Variants in OCA2 observed in about 807,000 individuals in gnomAD.
OCA2 encodes the protein OCA2 melanosomal transmembrane protein, also known as P protein.
In OCA2, 77 loss-of-function variants were observed where a neutral mutation model predicts 100.2. That is an observed-to-expected ratio of 0.77 (90% CI 0.64 to 0.93). The LOEUF is 0.93. OCA2 is among the 40% of genes least tolerant of loss of function. OCA2 has a pLI of 0.00. For synonymous variants in OCA2, 432 were observed against 439.2 expected, an observed-to-expected ratio of 0.98 and a Z score of 0.21; for missense variants, 1,062 against 1,089.1, an observed-to-expected ratio of 0.98 and a Z score of 0.35.
intron 23 of OCA2, among the ~76,000 whole-genome samples, chr15:27,840,901 C>T (rs1383305646): frequency 6.6e-6 from 1 of 152,116 alleles, no homozygotes; most frequent in East Asian, 1.9e-4. Flanking sequence ...GCTTTTGACA[C>T]CAAAAACACA....
chr15:27,854,873 C>A (rs2035896173), intron 21 of OCA2, among the ~76,000 whole-genome samples: 1 of 152,130 alleles, frequency 6.6e-6, no homozygotes. Context: ...AACAACTAAG[C>A]ACAGGACCCT....
chr15:28,048,178 A>C (rs1193472522), intron 2 of OCA2, among the ~76,000 whole-genome samples: 1 of 152,232 alleles, frequency 6.6e-6, no homozygotes, highest in Non-Finnish European at 1.5e-5. Context: ...TAATGTCATT[A>C]ATATTTTAAT....
chr15:27,966,669 T>A, intron 15 of OCA2, 21 bp downstream of exon 15: 1 of 1,613,150 alleles, frequency 6.2e-7, no homozygotes. Context: ...TGAGCCTACA[T>A]GAGGTTGCAC....
At chr15:28,028,943 C>T (rs1471224443) in intron 3 of OCA2, among the ~76,000 whole-genome samples, 2 of 152,182 alleles carry the variant, frequency 1.3e-5, no homozygotes, top group Admixed American at 6.5e-5. Context: ...ACCTTGGCCT[C>T]CCAAAGTGCT....
intron 23 of OCA2, among the ~76,000 whole-genome samples, chr15:27,800,567 G>A (rs2033553275): frequency 6.6e-6 from 1 of 152,174 alleles, no homozygotes; most frequent in African/African-American, 2.4e-5. Flanking sequence ...ACTATTTCAT[G>A]TGAACAAATG....
chr15:27,995,455 C>T (rs1900757), intron 9 of OCA2, among the ~76,000 whole-genome samples: 91,491 of 151,890 alleles, frequency 0.6, 31,737 homozygotes, highest in Non-Finnish European at 0.79. Context: ...TGCAGTGGTG[C>T]AATCAAAGCT....
intron 19 of OCA2, among the ~76,000 whole-genome samples, chr15:27,891,884 T>C (rs1484305426): frequency 6.6e-6 from 1 of 152,118 alleles, no homozygotes; most frequent in South Asian, 2.1e-4. Context: ...TGGAAAAAGA[T>C]ATGTTACACA....
intron 18 of OCA2, among the ~76,000 whole-genome samples, chr15:27,933,471 C>T (rs561774469): frequency 1.4e-4 from 22 of 152,214 alleles, no homozygotes; most frequent in African/African-American, 1.9e-4. Context: ...GATTGTCACG[C>T]GTGTCCGTAT....
At chr15:27,989,766 C>A in intron 10 of OCA2, 100 bp from the exon 11 acceptor site, 1 of 1,071,352 alleles carries the variant, frequency 9.3e-7, no homozygotes, top group Non-Finnish European at 1.4e-6. Context: ...ACTCAGTGGG[C>A]GGGCCAGGGT....
At chr15:27,942,204 T>G (rs1440986805) in intron 18 of OCA2, among the ~76,000 whole-genome samples, 1 of 148,238 alleles carries the variant, frequency 6.7e-6, no homozygotes, top group African/African-American at 2.5e-5. Flanking sequence ...TATTATATAT[T>G]ACTATATATA....
intron 23 of OCA2, among the ~76,000 whole-genome samples, chr15:27,772,146 C>T (rs999535966): frequency 6.6e-6 from 1 of 152,224 alleles, no homozygotes; most frequent in African/African-American, 2.4e-5. Context: ...GTTTGCTGTG[C>T]GTCCTGAACA....
At chr15:27,730,562 G>C in the OCA2 span, among the ~76,000 whole-genome samples, 4 of 150,470 alleles carry the variant, frequency 2.7e-5, no homozygotes, top group Admixed American at 1.3e-4. Flanking sequence ...TGGACTAAAA[G>C]CTCCAACCCT....
chr15:28,048,599 T>C (rs2043412915), intron 2 of OCA2, among the ~76,000 whole-genome samples: 1 of 151,914 alleles, frequency 6.6e-6, no homozygotes, highest in South Asian at 2.1e-4. Context: ...AAAACAAACA[T>C]GACCTTGGAT....
chr15:28,010,497 A>C (rs1302482187), intron 9 of OCA2, among the ~76,000 whole-genome samples: 1 of 152,226 alleles, frequency 6.6e-6, no homozygotes, highest in African/African-American at 2.4e-5. Context: ...GAGAAGTAAT[A>C]GGTAAATTCA....
At chr15:27,802,900 G>A (rs2033672569) in intron 23 of OCA2, among the ~76,000 whole-genome samples, 1 of 152,118 alleles carries the variant, frequency 6.6e-6, no homozygotes, top group African/African-American at 2.4e-5. Context: ...TGAAAAACAA[G>A]TGGATTAAAT....
chr15:28,036,162 A>G (rs2043038913), intron 2 of OCA2, among the ~76,000 whole-genome samples: 1 of 152,222 alleles, frequency 6.6e-6, no homozygotes. Flanking sequence ...ATGGATCATC[A>G]AATTATGCCT....
intron 1 of OCA2, 120 bp from the exon 2 acceptor site, chr15:28,082,015 T>A: frequency 1.2e-6 from 1 of 811,022 alleles, no homozygotes; most frequent in Non-Finnish European, 2.0e-6. Flanking sequence ...AGTTCCAGCA[T>A]CCTAACCACG....
intron 9 of OCA2, among the ~76,000 whole-genome samples, chr15:27,992,365 G>A (rs995861933): frequency 3.3e-5 from 5 of 152,216 alleles, no homozygotes; most frequent in Non-Finnish European, 7.3e-5. Flanking sequence ...CTCCCAAACT[G>A]CTGGGATTAT....
In OCA2 at chr15:27,937,566, G is replaced by C. The variant is rs889702705; in HGVS notation, c.1952-11312C>G. On this transcript the variant is annotated intron_variant, in intron 18 of 23. Transcript: ENST00000354638. ...CTGCTCCACAATCTTTCAGCACTCA[G>C]TACTGTCAGTCTTTTTTTCTAACCA... 2.0e-5 allele frequency among the ~76,000 whole-genome samples: 3 copies of C among 152,174 alleles called. No homozygotes were observed. The East Asian group carries it at 5.8e-4, about 29-fold the overall frequency.
Sources: allele counts gnomAD v4.1 joint callset (sites outside exome capture counted in the v4.1 genomes callset), GRCh38; gene constraint gnomAD v4.1.1; transcripts MANE v1.5; gene names NCBI Gene and HGNC (gene_info 2026-07-23, HGNC 2026-07-21).